The following SNX16 variants were observed in gnomAD, a reference collection of about 807,000 sequenced individuals.
The protein encoded by SNX16 is sorting nexin-16.
A neutral mutation model predicts 36.7 loss-of-function variants in SNX16; 35 were observed. The observed-to-expected ratio is 0.95, with a 90% CI of 0.73 to 1.27. SNX16 has a LOEUF of 1.27. Among genes scored for constraint, SNX16 ranks in the 50% most tolerant of loss-of-function variants. The probability of loss-of-function intolerance (pLI) is 0.00; values close to 1 mark genes in which losing one functional copy is unlikely to be tolerated. For synonymous variants in SNX16, 134 were observed against 132.0 expected (o/e 1.02, Z -0.10); for missense variants, 367 against 393.6 (o/e 0.93, Z 0.57).
At chr8:81,838,799 A>T (rs891590925) in intron 2 of SNX16, among the ~76,000 whole-genome samples, 1 of 152,112 alleles carries the variant, frequency 6.6e-6, no homozygotes, top group African/African-American at 2.4e-5. Flanking sequence ...TTGTTTATCA[A>T]ATGTATTATT....
intron 5 of SNX16, among the ~76,000 whole-genome samples, chr8:81,813,422 C>A (rs1465552598): frequency 6.6e-6 from 1 of 151,312 alleles, no homozygotes; most frequent in Non-Finnish European, 1.5e-5. Flanking sequence ...TTACCTAATA[C>A]CTTAAAAAAA....
At chr8:81,804,292 A>C (rs1424693109) in intron 5 of SNX16, among the ~76,000 whole-genome samples, 1 of 152,118 alleles carries the variant, frequency 6.6e-6, no homozygotes, top group Non-Finnish European at 1.5e-5. Flanking sequence ...AGAAGTAGTT[A>C]ACTGAATCCC....
intron 1 of SNX16, among the ~76,000 whole-genome samples, chr8:81,840,608 C>T (rs1428745727): frequency 6.6e-6 from 1 of 152,166 alleles, no homozygotes; most frequent in Non-Finnish European, 1.5e-5. Context: ...TGCTTTGATG[C>T]TACATAGTAT....
chr8:81,826,765 T>A (rs2130723402), intron 3 of SNX16, among the ~76,000 whole-genome samples: 1 of 152,364 alleles, frequency 6.6e-6, no homozygotes, highest in Non-Finnish European at 1.5e-5. Context: ...AGTGTTATTT[T>A]AGCACATTCA....
chr8:81,824,410 C>T (rs972578740), intron 3 of SNX16, among the ~76,000 whole-genome samples: 2 of 152,200 alleles, frequency 1.3e-5, no homozygotes, highest in Middle Eastern at 3.4e-3. Flanking sequence ...ACATGCATTA[C>T]AAATATTTTC....
chr8:81,807,143 C>G (rs1410326686), intron 5 of SNX16, among the ~76,000 whole-genome samples: 1 of 152,050 alleles, frequency 6.6e-6, no homozygotes, highest in Non-Finnish European at 1.5e-5. Context: ...AATAAGGGCA[C>G]CCTTGTTCTG....
chr8:81,832,764 T>C (rs748030697), intron 2 of SNX16, among the ~76,000 whole-genome samples: 294 of 151,230 alleles, frequency 1.9e-3, no homozygotes, highest in Non-Finnish European at 2.8e-3. Flanking sequence ...TAAGAGAAAG[T>C]GTTATTTATG....
At chr8:81,836,148 C>A (rs1390670234) in intron 2 of SNX16, among the ~76,000 whole-genome samples, 1 of 152,150 alleles carries the variant, frequency 6.6e-6, no homozygotes, top group Non-Finnish European at 1.5e-5. Context: ...CCATAGCATG[C>A]TTCCTTCCCA....
intron 5 of SNX16, among the ~76,000 whole-genome samples, chr8:81,813,562 G>A (rs986550513): frequency 6.6e-6 from 1 of 151,526 alleles, no homozygotes; most frequent in African/African-American, 2.4e-5. Flanking sequence ...AAAAGCATAA[G>A]CCATTAAAAA....
rs751625986 is a variant in SNX16 at position 81,799,749 on chromosome 8, A to G, written c.*1748T>C. On this transcript the variant is annotated 3_prime_UTR_variant, in exon 8 of 8. Coordinates refer to ENST00000345957, the MANE Select transcript of SNX16 (RefSeq NM_152836.3). ...TAAATACAATCTTCCAAAAAGCCAG[A>G]TTGAAAAAGTGGCTGGTTCGCTTTA... 3 of 151,970 alleles carry G rather than the reference A, an allele frequency of 2.0e-5. No homozygotes were observed. The highest frequency in any genetic ancestry group is 4.4e-5 in the Non-Finnish European group (3 of 67,852). 9.4% of individuals were successfully genotyped at this position (151,970 alleles called of 1,614,324 possible).
chr8:81,823,110 C>A (rs1810851323), intron 4 of SNX16, among the ~76,000 whole-genome samples: 1 of 151,262 alleles, frequency 6.6e-6, no homozygotes, highest in East Asian at 1.9e-4. Flanking sequence ...GTTTTCCATC[C>A]TCATGTGAAA....
intron 4 of SNX16, among the ~76,000 whole-genome samples, chr8:81,819,368 A>G (rs989441889): frequency 6.6e-6 from 1 of 152,114 alleles, no homozygotes; most frequent in African/African-American, 2.4e-5. Flanking sequence ...ACTGACTTGC[A>G]TGTTGTTCCT....
rs1188318408 is a variant in SNX16, at chr8:81,800,966, TC to T, written c.*530del. 1 of 152,186 alleles carries T rather than the reference TC, an allele frequency of 6.6e-6. No individual in the cohort carries two copies. Among genetic ancestry groups the T allele is most frequent in the Non-Finnish European group, 1.5e-5 (1 of 67,668 alleles). 9.4% of individuals were successfully genotyped at this position (152,186 alleles called of 1,614,324 possible). ...CATTTTTCTAAAGAGCATTAACATT[TC>T]AAATAAGCAAATTTTATTTAGAGAT... is the stretch of plus-strand genomic sequence containing the variant. On this transcript the variant is annotated 3_prime_UTR_variant, in exon 8 of 8. Coordinates refer to ENST00000345957, the MANE Select transcript of SNX16 (RefSeq NM_152836.3).
intron 2 of SNX16, among the ~76,000 whole-genome samples, chr8:81,839,319 G>A (rs1317925065): frequency 1.3e-5 from 2 of 152,104 alleles, no homozygotes; most frequent in African/African-American, 2.4e-5. Flanking sequence ...AAAAGTATTG[G>A]GTGAATGGGT....
chr8:81,803,963 A>AAT (rs60767517), intron 5 of SNX16, among the ~76,000 whole-genome samples: 13,448 of 151,326 alleles, frequency 0.089, 681 homozygotes, highest in East Asian at 0.17. Flanking sequence ...AATAAAAACA[A>AAT]ATATATATAT....
intron 4 of SNX16, among the ~76,000 whole-genome samples, chr8:81,816,181 CTTTT>C (rs777491714): frequency 7.3e-6 from 1 of 137,830 alleles, no homozygotes; most frequent in Non-Finnish European, 1.6e-5. Context: ...AAAGGATTTT[CTTTT>C]TTTTTTTTTT....
intron 5 of SNX16, among the ~76,000 whole-genome samples, chr8:81,809,807 T>C (rs1810146491): frequency 6.6e-6 from 1 of 152,200 alleles, no homozygotes; most frequent in Admixed American, 6.5e-5. Flanking sequence ...TATCTAACAA[T>C]GAAACAATTG....
At chr8:81,821,835 T>A (rs1038571447) in intron 4 of SNX16, among the ~76,000 whole-genome samples, 1 of 152,148 alleles carries the variant, frequency 6.6e-6, no homozygotes, top group Non-Finnish European at 1.5e-5. Flanking sequence ...AATAGCCACA[T>A]GACCTGTTGT....
intron 4 of SNX16, among the ~76,000 whole-genome samples, chr8:81,823,169 C>T (rs1179845407): frequency 6.6e-6 from 1 of 151,518 alleles, no homozygotes; most frequent in Non-Finnish European, 1.5e-5. Flanking sequence ...GCTATTGCTA[C>T]ACTGTAAATG....
Sources: gnomAD v4.1 joint callset for allele counts (sites outside exome capture counted in the v4.1 genomes callset) on GRCh38, gnomAD v4.1.1 for gene constraint, MANE v1.5 for transcripts, NCBI Gene and HGNC (gene_info 2026-07-23, HGNC 2026-07-21) for gene names.